The following PBRM1 variants were observed in gnomAD, a reference collection of about 807,000 sequenced individuals.
PBRM1 encodes polybromo 1, also known as protein polybromo-1.
PBRM1 carries 27 observed loss-of-function variants against 194.5 expected under a neutral mutation model. The observed-to-expected ratio is 0.14, with a 90% CI of 0.10 to 0.19. PBRM1 has a LOEUF of 0.19. Ranked by LOEUF, PBRM1 falls within the 10% of genes least tolerant of loss-of-function variation. The pLI, the probability that PBRM1 is intolerant of heterozygous loss-of-function variation, is 1.00. For missense variants in PBRM1, 1,466 were observed against 2,077.2 expected (o/e 0.71, Z 5.72); for synonymous variants, 655 against 693.2 (o/e 0.94, Z 0.87).
intron 5 of PBRM1, among the ~76,000 whole-genome samples, chr3:52,657,344 A>G (rs1204432017): frequency 1.3e-5 from 2 of 152,208 alleles, no homozygotes; most frequent in African/African-American, 4.8e-5. Flanking sequence ...ATAATTACCA[A>G]TCAAAAAACA....
chr3:52,550,461 C>T (rs369794948), exon 29 of PBRM1: 130 of 1,548,130 alleles, frequency 8.4e-5, no homozygotes, highest in African/African-American at 3.4e-4. Flanking sequence ...TGTTGGACTC[C>T]GCACTGAGTC....
chr3:52,562,079 T>TG (rs1422096713), intron 24 of PBRM1, 111 bp from the exon 27 acceptor site: 11 of 771,020 alleles, frequency 1.4e-5, no homozygotes, highest in Non-Finnish European at 2.5e-5. Flanking sequence ...CCCAGCACTT[T>TG]GGGGGGCCGA....
chr3:52,557,882 C>T (rs13667), intron 26 of PBRM1, among the ~76,000 whole-genome samples: 2 of 152,288 alleles, frequency 1.3e-5, no homozygotes, highest in South Asian at 4.1e-4. Context: ...ATCAACACCA[C>T]CTAAAGACTA....
At chr3:52,655,311 A>G (rs1222009190) in intron 5 of PBRM1, among the ~76,000 whole-genome samples, 1 of 152,206 alleles carries the variant, frequency 6.6e-6, no homozygotes, top group Non-Finnish European at 1.5e-5. Flanking sequence ...GGTACCTCAT[A>G]TAAGAAATCA....
rs539764079 is a variant in PBRM1 at position 52,560,030 on chromosome 3, A to G, written c.4289-1617T>C. Among the ~76,000 whole-genome samples the G allele has an allele frequency of 1.7e-3, 264 of 152,216 alleles. 2 individuals are homozygous for G. The highest frequency in any genetic ancestry group is 0.014 in the Middle Eastern group (4 of 294). On this transcript the variant is annotated intron_variant, in intron 25 of 29. Transcript: ENST00000296302. ...TTGGGCTTTGAATTCAATGAGAGAA[A>G]ACATCAAAAGTTCAGATTTTATGTC...
At chr3:52,639,302 C>T (rs2095972556) in intron 10 of PBRM1, among the ~76,000 whole-genome samples, 1 of 152,116 alleles carries the variant, frequency 6.6e-6, no homozygotes, top group African/African-American at 2.4e-5. Context: ...TTTTAAAACT[C>T]TGTATGCTCT....
rs1364978098 is a variant in PBRM1, at chr3:52,644,695, T to G, written c.899+9A>C. On this transcript the variant is annotated intron_variant, in intron 8 of 29. Coordinates refer to ENST00000296302, the Ensembl canonical transcript of PBRM1. Reference sequence around the variant, plus strand: ...ACCACGCCCAGCCTAGACATTTTCTTAAACCTACCTCATTCGAAGACTTGA... The same window carrying G: ...ACCACGCCCAGCCTAGACATTTTCTGAAACCTACCTCATTCGAAGACTTGA... 2 of 1,446,060 alleles carry G rather than the reference T, an allele frequency of 1.4e-6. No individual in the cohort carries two copies. The highest frequency in any genetic ancestry group is 2.3e-5 in the South Asian group (2 of 85,478). The allele number at this position is 1,446,060 out of a possible 1,614,324, so 89.6% of individuals were successfully genotyped here. A position where few individuals can be genotyped will look rare whatever the true frequency, so the allele number is the denominator to read the frequency against.
chr3:52,576,840 T>C (rs1382301595), intron 21 of PBRM1, 142 bp from the exon 24 acceptor site: 12 of 507,500 alleles, frequency 2.4e-5, no homozygotes, highest in Non-Finnish European at 4.1e-5. Flanking sequence ...GACAACTTCA[T>C]TAATTTTTTC....
At chr3:52,660,523 A>G (rs1021177289) in intron 4 of PBRM1, among the ~76,000 whole-genome samples, 6 of 151,074 alleles carry the variant, frequency 4.0e-5, no homozygotes, top group Non-Finnish European at 7.4e-5. Context: ...ATCTATCTAT[A>G]TTTTTTTTAG....
intron 10 of PBRM1, among the ~76,000 whole-genome samples, chr3:52,638,992 G>A (rs540001986): frequency 1.6e-5 from 2 of 122,728 alleles, no homozygotes; most frequent in East Asian, 2.9e-4. Flanking sequence ...TTTTTGGGGG[G>A]GGGGGGCGGG....
intron 13 of PBRM1, among the ~76,000 whole-genome samples, chr3:52,618,688 G>C (rs1242995314): frequency 1.3e-5 from 2 of 150,268 alleles, no homozygotes; most frequent in Non-Finnish European, 3.0e-5. Context: ...TCTGCCTCCT[G>C]GGTTCAAGCG....
chr3:52,565,176 G>A (rs2084758228), intron 22 of PBRM1, among the ~76,000 whole-genome samples: 1 of 151,130 alleles, frequency 6.6e-6, no homozygotes, highest in African/African-American at 2.4e-5. Flanking sequence ...TCCAGCCTGA[G>A]CGAAAGAGCG....
At chr3:52,580,906 T>A (rs1239883748) in intron 20 of PBRM1, among the ~76,000 whole-genome samples, 1 of 152,120 alleles carries the variant, frequency 6.6e-6, no homozygotes, top group Non-Finnish European at 1.5e-5. Context: ...TGTTTTATAG[T>A]CCTGACTAAA....
intron 15 of PBRM1, among the ~76,000 whole-genome samples, chr3:52,611,368 C>T (rs573776479): frequency 1.3e-5 from 2 of 152,238 alleles, no homozygotes; most frequent in African/African-American, 4.8e-5. Context: ...TCACATGTAC[C>T]TGATGGAAGA....
chr3:52,564,317 T>G (rs1375773101), intron 22 of PBRM1, 84 bp from the exon 25 acceptor site: 1 of 968,086 alleles, frequency 1.0e-6, no homozygotes, highest in African/African-American at 1.6e-5. Context: ...TATTTTTGGA[T>G]GAATACATTC....
upstream of PBRM1, chr3:52,679,851 T>C (rs892891785): frequency 8.6e-6 from 5 of 580,830 alleles, no homozygotes; most frequent in Non-Finnish European, 1.1e-5. Context: ...GTAGTTTAAC[T>C]AGCTATAAGT....
intron 26 of PBRM1, among the ~76,000 whole-genome samples, chr3:52,556,420 C>T (rs2082236107): frequency 6.6e-6 from 1 of 152,182 alleles, no homozygotes; most frequent in Admixed American, 6.5e-5. Context: ...TGCTACCAAT[C>T]TTTTAACCAC....
intron 12 of PBRM1, among the ~76,000 whole-genome samples, chr3:52,628,026 AATTTGT>A (rs1227584990): frequency 6.6e-6 from 1 of 152,212 alleles, no homozygotes; most frequent in Non-Finnish European, 1.5e-5. Context: ...AGATAGACCC[AATTTGT>A]ATTTCATATC....
At chr3:52,600,330 T>C (rs1460784813) in intron 17 of PBRM1, among the ~76,000 whole-genome samples, 2 of 152,234 alleles carry the variant, frequency 1.3e-5, no homozygotes, top group African/African-American at 2.4e-5. Flanking sequence ...GGTCACTTTA[T>C]GGTGTCCCTT....
Sources: gnomAD v4.1 joint callset for allele counts (sites outside exome capture counted in the v4.1 genomes callset) on GRCh38, gnomAD v4.1.1 for gene constraint, MANE v1.5 for transcripts, NCBI Gene and HGNC (gene_info 2026-07-23, HGNC 2026-07-21) for gene names.